Variants in RSPH9 observed in about 807,000 individuals in gnomAD.
RSPH9 encodes the protein radial spoke head component 9.
A neutral mutation model predicts 27.0 loss-of-function variants in RSPH9; 27 were observed. That is an observed-to-expected ratio of 1.00 (90% CI 0.74 to 1.38). The LOEUF is 1.38. RSPH9 is among the 40% of genes most tolerant of loss of function. RSPH9 has a pLI of 0.00. For synonymous variants in RSPH9, 145 were observed against 147.7 expected, an observed-to-expected ratio of 0.98 and a Z score of 0.13; for missense variants, 347 against 357.4, an observed-to-expected ratio of 0.97 and a Z score of 0.24.
At chr6:43,666,861 C>T (rs1442916067) in intron 4 of RSPH9, among the ~76,000 whole-genome samples, 2 of 152,188 alleles carry the variant, frequency 1.3e-5, no homozygotes, top group Admixed American at 1.3e-4. Context: ...AATTCTCCTG[C>T]CTCCGTCTCC....
intron 1 of RSPH9, among the ~76,000 whole-genome samples, chr6:43,648,097 C>T (rs1449613892): frequency 6.6e-6 from 1 of 152,080 alleles, no homozygotes; most frequent in African/African-American, 2.4e-5. Context: ...TGGCCTGACC[C>T]CATCTCCACT....
chr6:43,659,743 A>T (rs1048201527), intron 4 of RSPH9, among the ~76,000 whole-genome samples: 7 of 142,622 alleles, frequency 4.9e-5, no homozygotes, highest in South Asian at 2.2e-4. Flanking sequence ...TATTATTATT[A>T]TTTTTTGAAA....
intron 4 of RSPH9, among the ~76,000 whole-genome samples, chr6:43,669,201 G>C (rs1009524209): frequency 9.8e-5 from 15 of 152,312 alleles, no homozygotes; most frequent in African/African-American, 3.6e-4. Context: ...GCACTGTGTG[G>C]GCTGGAGGGG....
chr6:43,671,621 T>C lies in RSPH9; in HGVS notation c.*672T>C. The C allele has an allele frequency of 4.2e-6, 4 of 963,476 alleles. No homozygotes were observed. Among genetic ancestry groups the C allele is most frequent in the Non-Finnish European group, 6.3e-6 (4 of 632,812 alleles). 59.7% of individuals were successfully genotyped at this position (963,476 alleles called of 1,614,324 possible). A position where few individuals can be genotyped will look rare whatever the true frequency, so the allele number is the denominator to read the frequency against. On this transcript the variant is annotated 3_prime_UTR_variant, in exon 5 of 5. Transcript: ENST00000372163. ...CCAAGGGTACTGAAGTTAGTCCCAC[T>C]GTCCCCTGTCCATGCATGTTGGAGG...
chr6:43,669,061 A>G (rs981868585), intron 4 of RSPH9, among the ~76,000 whole-genome samples: 1 of 152,220 alleles, frequency 6.6e-6, no homozygotes, highest in Non-Finnish European at 1.5e-5. Context: ...CAGGTCTGAG[A>G]GGCAGAGGAC....
intron 3 of RSPH9, 76 bp downstream of exon 3, chr6:43,655,767 C>A: frequency 6.6e-7 from 1 of 1,523,702 alleles, no homozygotes; most frequent in Non-Finnish European, 9.1e-7. Context: ...TCTGGGAGTC[C>A]AGCAGGGGGG....
intron 4 of RSPH9, among the ~76,000 whole-genome samples, chr6:43,664,203 GTGATGATGA>G (rs201263407): frequency 6.6e-6 from 1 of 151,872 alleles, no homozygotes; most frequent in Non-Finnish European, 1.5e-5. Context: ...AAGTAAACCT[GTGATGATGA>G]TGATGATGAT....
chr6:43,645,089 C>T lies in RSPH9; in HGVS notation c.-10C>T, dbSNP rs771415545. 11 of 1,608,836 alleles carry T rather than the reference C, an allele frequency of 6.8e-6. No individual in the cohort carries two copies. The African/African-American group carries it at 1.2e-4, about 18-fold the overall frequency. ...CAACTCGACGGGCGTTGAGCGGAGC[C>T]GCTGACCTGATGGACGCCGACAGCC... is the stretch of plus-strand genomic sequence containing the variant. On this transcript the variant is annotated 5_prime_UTR_variant, in exon 1 of 5. Coordinates refer to ENST00000372163, the MANE Select transcript of RSPH9 (RefSeq NM_152732.5).
intron 4 of RSPH9, chr6:43,666,576 G>C: frequency 8.6e-7 from 1 of 1,164,070 alleles, no homozygotes; most frequent in South Asian, 1.4e-5. Context: ...AGACACCTTG[G>C]CTGAAGAGAG....
At chr6:43,668,298 G>C (rs961948458) in intron 4 of RSPH9, among the ~76,000 whole-genome samples, 2 of 152,200 alleles carry the variant, frequency 1.3e-5, no homozygotes, top group Non-Finnish European at 2.9e-5. Context: ...CTGGCACGTT[G>C]AGTCTGTGTT....
chr6:43,654,707 C>T (rs1771831288), intron 2 of RSPH9, among the ~76,000 whole-genome samples: 3 of 152,190 alleles, frequency 2.0e-5, no homozygotes. Flanking sequence ...CCTGTAGTCC[C>T]AGCTACTCAG....
At chr6:43,656,037 C>CTT (rs1554147905) in intron 3 of RSPH9, among the ~76,000 whole-genome samples, 7,937 of 76,554 alleles carry the variant, frequency 0.1, 446 homozygotes, top group African/African-American at 0.32. Context: ...TCCTTCCTTC[C>CTT]CCTTCTTTCC....
At chr6:43,645,476 G>A (rs913041057) in intron 1 of RSPH9, 151 bp downstream of exon 1, 9 of 746,886 alleles carry the variant, frequency 1.2e-5, no homozygotes, top group Non-Finnish European at 2.0e-5. Flanking sequence ...GGAGACCCTG[G>A]GGGGCGGGCC....
intron 4 of RSPH9, among the ~76,000 whole-genome samples, chr6:43,665,949 CCGAGTAGCTG>C (rs1773094612): frequency 6.6e-6 from 1 of 152,112 alleles, no homozygotes; most frequent in African/African-American, 2.4e-5. Flanking sequence ...CCTCAGCCTC[CCGAGTAGCTG>C]GGACTACAGG....
At position 43,650,501 on chromosome 6, in the gene RSPH9, G is replaced by C. The variant is rs200694391; in HGVS notation, c.354G>C (p.Lys118Asn). The C allele has an allele frequency of 1.3e-5, 21 of 1,614,192 alleles. No individual in the cohort carries two copies. Among genetic ancestry groups the C allele is most frequent in the Non-Finnish European group, 1.8e-5 (21 of 1,180,040 alleles). ...AATATGAACACACTGAGCTGCAGAA[G>C]GTGAATGAAGGTGAAAAAGTCTTTG... ...SYEYEHTELQ[K>N]VNEGEKVFEE... Residue 118 changes from lysine to asparagine, a missense_variant, in exon 2 of 5, where the codon AAG (lysine) becomes AAC (asparagine). Lys to Asn is a moderately conservative substitution (Grantham distance 94, BLOSUM62 0). Transcript: ENST00000372163.
rs753614750 is a variant in RSPH9 at position 43,645,133 on chromosome 6, T to C, written c.35T>C (p.Leu12Pro). 6.2e-7 allele frequency: 1 copy of C among 1,613,006 alleles called. No individual in the cohort carries two copies. Among genetic ancestry groups the C allele is most frequent in the African/African-American group, 1.3e-5 (1 of 74,946 alleles). The change falls in exon 1 of 5, where the codon CTG becomes CCG. Residue 12 changes from leucine (L) to proline (P), a missense_variant. Transcript: ENST00000372163. ...GACAGCCTCCTGCTGTCTCTGGAGC[T>C]GGCGTCCGGCAGTGGGCAGGGCCTC... ...DADSLLLSLELASGSGQGLSP... is the reference protein window; with the variant it reads ...DADSLLLSLEPASGSGQGLSP...
chr6:43,664,646 T>G (rs113911149), intron 4 of RSPH9, among the ~76,000 whole-genome samples: 2,736 of 151,984 alleles, frequency 0.018, 38 homozygotes, highest in Non-Finnish European at 0.029. Context: ...CACCAAGGAG[T>G]GGCCATTTGG....
chr6:43,666,771 G>A (rs565997581), intron 4 of RSPH9, among the ~76,000 whole-genome samples: 2 of 152,302 alleles, frequency 1.3e-5, no homozygotes, highest in African/African-American at 2.4e-5. Context: ...TGGGTCAGGA[G>A]GCCATATATA....
chr6:43,662,968 A>ATT lies in RSPH9; in HGVS notation c.670+6254_670+6255dup, dbSNP rs112384061. Among the ~76,000 whole-genome samples the ATT allele has an allele frequency of 4.5e-3, 665 of 148,400 alleles. 7 individuals carry two copies. The highest frequency in any genetic ancestry group is 0.014 in the African/African-American group (560 of 40,846). On this transcript the variant is annotated intron_variant, in intron 4 of 4. Transcript: ENST00000372163. ...AATAGGTGTGTGCACCATACCTGGC[A>ATT]TTTTTTTTTTGTAGGGATGGGGTCT...
Sources: gnomAD v4.1 joint callset for allele counts (sites outside exome capture counted in the v4.1 genomes callset) on GRCh38, gnomAD v4.1.1 for gene constraint, MANE v1.5 for transcripts, NCBI Gene and HGNC (gene_info 2026-07-23, HGNC 2026-07-21) for gene names.